SYNDIG1L: variants seen among roughly 807,000 people sequenced by gnomAD.
The protein encoded by SYNDIG1L is synapse differentiation-inducing gene protein 1-like.
A neutral mutation model predicts 20.1 loss-of-function variants in SYNDIG1L; 13 were observed. That is an observed-to-expected ratio of 0.65 (90% CI 0.42 to 1.03). The LOEUF (loss-of-function observed/expected upper bound fraction) is 1.03. Among genes scored for constraint, SYNDIG1L ranks in the 50% least tolerant of loss-of-function variants. The pLI is 0.00. For synonymous variants in SYNDIG1L, 128 were observed against 129.3 expected (o/e 0.99, Z 0.07); for missense variants, 294 against 305.1 (o/e 0.96, Z 0.27).
chr14:74,428,810 T>C (rs1388371398), upstream of SYNDIG1L, among the ~76,000 whole-genome samples: 1 of 151,334 alleles, frequency 6.6e-6, no homozygotes, highest in Non-Finnish European at 1.5e-5. Flanking sequence ...CAAGGCAGAG[T>C]CAACAGGACG....
chr14:74,451,762 C>A, the SYNDIG1L span, among the ~76,000 whole-genome samples: 1 of 151,940 alleles, frequency 6.6e-6, no homozygotes, highest in Non-Finnish European at 1.5e-5. Context: ...GAGGCCAAGG[C>A]GGGTGGATCA....
In SYNDIG1L at chr14:74,407,431, C is replaced by T. The variant is rs1258709468; in HGVS notation, c.*104G>A. 22 of 1,512,190 alleles carry T rather than the reference C, an allele frequency of 1.5e-5. No homozygotes were observed. The highest frequency in any genetic ancestry group is 6.0e-5 in the South Asian group (5 of 83,818). 93.7% of individuals were successfully genotyped at this position (1,512,190 alleles called of 1,614,324 possible). A position where few individuals can be genotyped will look rare whatever the true frequency, so the allele number is the denominator to read the frequency against. ...TCTCCCCCTCAGCAAGCCACTCTCACGGGATCATCTTCAGGGGCCGGGCCT... is the reference window on the plus strand; with the variant it reads ...TCTCCCCCTCAGCAAGCCACTCTCATGGGATCATCTTCAGGGGCCGGGCCT... On this transcript the variant is annotated 3_prime_UTR_variant, in exon 4 of 4. Coordinates refer to ENST00000331628, the MANE Select transcript of SYNDIG1L (RefSeq NM_001105579.2).
chr14:74,409,581 A>G lies in SYNDIG1L; in HGVS notation c.164T>C (p.Leu55Pro). The change falls in exon 2 of 4, where the codon CTG becomes CCG. Residue 55 changes from leucine to proline, a missense_variant. Physicochemically the swap from Leu to Pro is moderately conservative, Grantham distance 98 (BLOSUM62 -3). Coordinates refer to ENST00000331628, the MANE Select transcript of SYNDIG1L (RefSeq NM_001105579.2). ...GAGPAGAHQL[L>P]DPGSLQLAVE... ...GGCCAGCTGCAGGGACCCTGGGTCCAGGAGCTGGTGGGCTCCGGCAGGCCC... is the reference window on the plus strand; with the variant it reads ...GGCCAGCTGCAGGGACCCTGGGTCCGGGAGCTGGTGGGCTCCGGCAGGCCC... 1 of 1,513,404 alleles carries G rather than the reference A, an allele frequency of 6.6e-7. No homozygotes were observed. Among genetic ancestry groups the G allele is most frequent in the African/African-American group, 1.4e-5 (1 of 71,374 alleles). The allele number at this position is 1,513,404 out of a possible 1,614,324, so 93.7% of individuals were successfully genotyped here.
chr14:74,458,521 C>A, the SYNDIG1L span, among the ~76,000 whole-genome samples: 2 of 150,488 alleles, frequency 1.3e-5, no homozygotes, highest in Non-Finnish European at 2.9e-5. Context: ...ACTCGGGAGG[C>A]TGAGGCAGAA....
the SYNDIG1L span, among the ~76,000 whole-genome samples, chr14:74,471,009 A>G: frequency 6.6e-6 from 1 of 152,166 alleles, no homozygotes; most frequent in African/African-American, 2.4e-5. Context: ...CCCCATCTTC[A>G]AGGAGCTCAC....
chr14:74,410,282 A>C (rs2086120898), intron 1 of SYNDIG1L, among the ~76,000 whole-genome samples: 2 of 152,192 alleles, frequency 1.3e-5, no homozygotes, highest in Non-Finnish European at 2.9e-5. Context: ...CTTAGAGCTG[A>C]GATCTGAAGG....
chr14:74,414,871 G>A (rs180736793), intron 1 of SYNDIG1L, among the ~76,000 whole-genome samples: 1 of 152,266 alleles, frequency 6.6e-6, no homozygotes, highest in East Asian at 1.9e-4. Context: ...AGTGGTGTGT[G>A]GTGGGTGGGT....
the SYNDIG1L span, among the ~76,000 whole-genome samples, chr14:74,449,099 G>A: frequency 6.6e-6 from 1 of 151,910 alleles, no homozygotes; most frequent in South Asian, 2.1e-4. Flanking sequence ...CTGGCATGGT[G>A]GTGTGTGCCT....
At chr14:74,468,104 C>A in the SYNDIG1L span, among the ~76,000 whole-genome samples, 7 of 152,026 alleles carry the variant, frequency 4.6e-5, no homozygotes, top group African/African-American at 1.7e-4. Context: ...TTTCTCTTGG[C>A]CTGACCTATG....
At chr14:74,416,548 C>T (rs188158919) in intron 1 of SYNDIG1L, among the ~76,000 whole-genome samples, 95 of 152,252 alleles carry the variant, frequency 6.2e-4, no homozygotes, top group African/African-American at 1.8e-3. Flanking sequence ...GCGGGAGGAT[C>T]GCTTGAGGCC....
chr14:74,475,147 A>G, the SYNDIG1L span, among the ~76,000 whole-genome samples: 1 of 152,078 alleles, frequency 6.6e-6, no homozygotes, highest in Non-Finnish European at 1.5e-5. Flanking sequence ...AGACAAATGC[A>G]TGGCAAATGC....
chr14:74,435,429 A>G, the SYNDIG1L span, among the ~76,000 whole-genome samples: 6 of 152,376 alleles, frequency 3.9e-5, no homozygotes, highest in South Asian at 1.2e-3. Flanking sequence ...CTTCTGTAGA[A>G]TTCAACCACA....
intron 1 of SYNDIG1L, among the ~76,000 whole-genome samples, chr14:74,413,548 G>C (rs142378776): frequency 6.6e-6 from 1 of 151,632 alleles, no homozygotes; most frequent in African/African-American, 2.4e-5. Flanking sequence ...TCCAGGGGTG[G>C]GAGCACAGGT....
chr14:74,434,721 C>T, the SYNDIG1L span, among the ~76,000 whole-genome samples: 1 of 151,962 alleles, frequency 6.6e-6, no homozygotes. Flanking sequence ...TTTCATTCTG[C>T]TAAGCTGCAA....
At chr14:74,445,142 G>A in the SYNDIG1L span, among the ~76,000 whole-genome samples, 1 of 151,832 alleles carries the variant, frequency 6.6e-6, no homozygotes, top group Non-Finnish European at 1.5e-5. Context: ...TGTTTTAAAG[G>A]GCCTGGCATC....
rs79767890 is a variant in SYNDIG1L at position 74,418,584 on chromosome 14, G to A, written c.-58+7328C>T. The stretch of plus-strand genomic sequence containing the variant: ...TGCCCTTTCTCCCTAATCTGGGTGG[G>A]CTTGCAACTGCTTCAACCACAGAGC... On this transcript the variant is annotated intron_variant, in intron 1 of 3. Coordinates refer to ENST00000331628, the MANE Select transcript of SYNDIG1L (RefSeq NM_001105579.2). Among the ~76,000 whole-genome samples the A allele has an allele frequency of 5.9e-4, 90 of 152,270 alleles. No individual in the cohort carries two copies. In the East Asian group the frequency reaches 0.015, roughly 26 times the overall value.
At chr14:74,409,236 G>T in intron 2 of SYNDIG1L, 92 bp downstream of exon 2, 2 of 981,816 alleles carry the variant, frequency 2.0e-6, no homozygotes, top group Non-Finnish European at 2.9e-6. Flanking sequence ...ATGCCACCAC[G>T]CCAGGCTAAT....
chr14:74,407,768 A>C, intron 3 of SYNDIG1L, 75 bp from the exon 4 acceptor site: 1 of 1,576,210 alleles, frequency 6.3e-7, no homozygotes. Context: ...CAGGCCCCTG[A>C]CCCCATCCTG....
intron 2 of SYNDIG1L, among the ~76,000 whole-genome samples, chr14:74,408,990 GC>G (rs2086107819): frequency 6.6e-6 from 1 of 152,032 alleles, no homozygotes. Context: ...AGATTCCTGG[GC>G]CCTAATCCAG....
Sources: gnomAD v4.1 joint callset for allele counts (sites outside exome capture counted in the v4.1 genomes callset) on GRCh38, gnomAD v4.1.1 for gene constraint, MANE v1.5 for transcripts, NCBI Gene and HGNC (gene_info 2026-07-23, HGNC 2026-07-21) for gene names.